Variants in RXRA observed in about 807,000 individuals in gnomAD.
RXRA encodes retinoic acid receptor RXR-alpha.
Under a neutral mutation model 44.5 loss-of-function variants are expected in RXRA, and 5 were observed. The observed-to-expected ratio is 0.11, with a 90% CI of 0.06 to 0.24. The LOEUF (loss-of-function observed/expected upper bound fraction) is 0.24, where lower values mean the gene tolerates loss of function less well. RXRA is among the 10% of genes least tolerant of loss of function. RXRA has a pLI of 1.00. For synonymous variants in RXRA, 291 were observed against 271.4 expected (o/e 1.07, Z -0.71); for missense variants, 412 against 646.5 (o/e 0.64, Z 3.93).
At chr9:134,371,689 A>T (rs1047073705) in intron 1 of RXRA, among the ~76,000 whole-genome samples, 1 of 152,048 alleles carries the variant, frequency 6.6e-6, no homozygotes, top group African/African-American at 2.4e-5. Flanking sequence ...GGTATGGAGG[A>T]CGGGCCTGGG....
In RXRA at chr9:134,409,124, GC is replaced by G. The variant is rs748337049; in HGVS notation, c.610+7del. 1 of 1,552,712 alleles carries G rather than the reference GC, an allele frequency of 6.4e-7. No individual in the cohort carries two copies. Among genetic ancestry groups the G allele is most frequent in the African/African-American group, 1.4e-5 (1 of 72,306 alleles). On this transcript the variant is annotated splice_donor_region_variant and intron_variant, in intron 4 of 9. Coordinates refer to ENST00000481739, the MANE Select transcript of RXRA (RefSeq NM_002957.6). Reference sequence around the variant, plus strand: ...CCATGGGCATGAAGCGGGAAGGTAGGCCACGGCGTCGGGTGGGGGCGCGGGC... The same window carrying G: ...CCATGGGCATGAAGCGGGAAGGTAGGCACGGCGTCGGGTGGGGGCGCGGGC...
At chr9:134,368,108 C>T (rs747064769) in intron 1 of RXRA, among the ~76,000 whole-genome samples, 7 of 152,238 alleles carry the variant, frequency 4.6e-5, no homozygotes, top group Non-Finnish European at 8.8e-5. Context: ...GTCTCCTCAA[C>T]CCCCTCCCCC....
intron 1 of RXRA, among the ~76,000 whole-genome samples, chr9:134,364,199 C>A (rs918479160): frequency 1.3e-5 from 2 of 152,198 alleles, no homozygotes; most frequent in Admixed American, 1.3e-4. Flanking sequence ...GTGAGGTCCA[C>A]AGCGTCACGT....
chr9:134,393,739 T>C (rs1830833356), intron 1 of RXRA, among the ~76,000 whole-genome samples: 1 of 152,190 alleles, frequency 6.6e-6, no homozygotes, highest in African/African-American at 2.4e-5. Context: ...TCTTGAATGC[T>C]TCCTGGGTGC....
chr9:134,414,277 C>T (rs1478687971), intron 4 of RXRA, among the ~76,000 whole-genome samples: 6 of 152,270 alleles, frequency 3.9e-5, no homozygotes, highest in African/African-American at 9.6e-5. Flanking sequence ...GAACTGGCAG[C>T]AAGGCCCCTC....
chr9:134,410,442 G>A (rs138376696), intron 4 of RXRA, among the ~76,000 whole-genome samples: 42 of 152,196 alleles, frequency 2.8e-4, no homozygotes, highest in Non-Finnish European at 5.4e-4. Context: ...TTCACCAGAG[G>A]GCAGAGGAGC....
Position 134,436,588 on chromosome 9 carries a change from C to T in RXRA, c.1363C>T (p.Leu455=). 1 of 1,614,078 alleles carries T rather than the reference C, an allele frequency of 6.2e-7. No homozygotes were observed. Among genetic ancestry groups the T allele is most frequent in the Non-Finnish European group, 8.5e-7 (1 of 1,180,026 alleles). ...CATTGACACCTTCCTTATGGAGATG[C>T]TGGAGGCGCCGCACCAAATGACTTA... ...TPIDTFLMEM[L]EAPHQMT The change falls in exon 10 of 10, where the codon CTG becomes TTG. Residue 455 remains leucine, a synonymous_variant. Transcript: ENST00000481739.
intron 1 of RXRA, among the ~76,000 whole-genome samples, chr9:134,393,197 C>T (rs893541964): frequency 8.5e-5 from 13 of 152,070 alleles, no homozygotes; most frequent in African/African-American, 2.9e-4. Context: ...AAGCCATGAG[C>T]GACCTGGGCG....
intron 1 of RXRA, among the ~76,000 whole-genome samples, chr9:134,399,143 T>A (rs912538492): frequency 6.6e-6 from 1 of 152,238 alleles, no homozygotes; most frequent in Admixed American, 6.5e-5. Context: ...AGGAAGAAGC[T>A]GGCTCAGGTT....
chr9:134,379,690 T>C lies in RXRA; in HGVS notation c.29-21942T>C, dbSNP rs952600126. On this transcript the variant is annotated intron_variant, in intron 1 of 9. Transcript: ENST00000481739. ...GGGAGGTAGCAGGACAGCCCCAGTATGCGGATGAGAAAACCTGAGGCCCAG... is the reference window on the plus strand; with the variant it reads ...GGGAGGTAGCAGGACAGCCCCAGTACGCGGATGAGAAAACCTGAGGCCCAG... The C allele has an allele frequency of 8.7e-5, 86 of 985,262 alleles. No homozygotes were observed. The African/African-American group carries it at 1.4e-3, about 16-fold the overall frequency. 61.0% of individuals were successfully genotyped at this position (985,262 alleles called of 1,614,324 possible). A position where few individuals can be genotyped will look rare whatever the true frequency, so the allele number is the denominator to read the frequency against.
At chr9:134,340,124 C>T (rs1023095572) in intron 1 of RXRA, among the ~76,000 whole-genome samples, 13 of 151,962 alleles carry the variant, frequency 8.6e-5, no homozygotes, top group Non-Finnish European at 1.2e-4. Context: ...CGTGCTGTGT[C>T]GGCATGTGTG....
intron 1 of RXRA, among the ~76,000 whole-genome samples, chr9:134,332,191 C>T (rs1482769280): frequency 1.3e-5 from 2 of 152,224 alleles, no homozygotes; most frequent in Non-Finnish European, 2.9e-5. Flanking sequence ...CAGCAGAGGC[C>T]CAGCCTGGAA....
intron 1 of RXRA, among the ~76,000 whole-genome samples, chr9:134,378,350 G>GCCAGCGCCTGTGT (rs1564276764): frequency 1.6e-4 from 24 of 151,380 alleles, no homozygotes; most frequent in Admixed American, 1.3e-3. Flanking sequence ...CGTGTGTGCC[G>GCCAGCGCCTGTGT]GCCAGCGCCT....
At chr9:134,345,907 A>G (rs531292940) in intron 1 of RXRA, among the ~76,000 whole-genome samples, 2 of 152,282 alleles carry the variant, frequency 1.3e-5, no homozygotes, top group African/African-American at 4.8e-5. Context: ...TCCTGTGTCC[A>G]GATGTCCCCT....
At chr9:134,414,893 T>C (rs544270566) in intron 4 of RXRA, among the ~76,000 whole-genome samples, 223 of 152,212 alleles carry the variant, frequency 1.5e-3, no homozygotes, top group African/African-American at 4.9e-3. Context: ...TGGAGGGTCG[T>C]GTCAGTAGTG....
At chr9:134,434,233 A>G (rs1043425285) in intron 9 of RXRA, 26 bp downstream of exon 9, 2 of 1,536,898 alleles carry the variant, frequency 1.3e-6, no homozygotes, top group Non-Finnish European at 1.8e-6. Context: ...TCCCACACAC[A>G]CCCCAGACCC....
At chr9:134,414,987 C>T (rs920894868) in intron 4 of RXRA, among the ~76,000 whole-genome samples, 1 of 152,212 alleles carries the variant, frequency 6.6e-6, no homozygotes, top group African/African-American at 2.4e-5. Context: ...GCAGCCTCTG[C>T]CAGACCCTTG....
chr9:134,337,811 T>A (rs782631783), intron 1 of RXRA, among the ~76,000 whole-genome samples: 5 of 151,600 alleles, frequency 3.3e-5, no homozygotes, highest in Non-Finnish European at 5.9e-5. Flanking sequence ...CTCTGGGGGG[T>A]CGCCCAGAGA....
intron 1 of RXRA, among the ~76,000 whole-genome samples, chr9:134,329,744 C>G (rs1304453134): frequency 6.6e-6 from 1 of 152,224 alleles, no homozygotes; most frequent in South Asian, 2.1e-4. Context: ...TCACCTCCAC[C>G]AGGAGGCCCC....
Sources: gnomAD v4.1 joint callset for allele counts (sites outside exome capture counted in the v4.1 genomes callset) on GRCh38, gnomAD v4.1.1 for gene constraint, MANE v1.5 for transcripts, NCBI Gene and HGNC (gene_info 2026-07-23, HGNC 2026-07-21) for gene names.